ETNK1: variants seen among roughly 807,000 people sequenced by gnomAD.
ETNK1 encodes ethanolamine kinase 1.
In ETNK1, 8 loss-of-function variants were observed where a neutral mutation model predicts 45.1. That is an observed-to-expected ratio of 0.18 (90% CI 0.10 to 0.32). ETNK1 has a LOEUF of 0.32. Among genes scored for constraint, ETNK1 ranks in the 10% least tolerant of loss-of-function variants. The pLI is 1.00. For synonymous variants in ETNK1, 152 were observed against 151.9 expected (o/e 1.00, Z -0.01); for missense variants, 302 against 430.6 (o/e 0.70, Z 2.64).
intron 1 of ETNK1, among the ~76,000 whole-genome samples, chr12:22,628,123 A>G (rs988441358): frequency 7.9e-5 from 12 of 152,122 alleles, no homozygotes; most frequent in Non-Finnish European, 1.8e-4. Context: ...TTTGTATTTA[A>G]TAATCCTTTA....
chr12:22,656,627 GCA>G, intron 2 of ETNK1: 3 of 985,356 alleles, frequency 3.0e-6, no homozygotes, highest in Non-Finnish European at 3.6e-6. Flanking sequence ...TCTGAATCCA[GCA>G]TGGAGCAGAC....
At position 22,663,683 on chromosome 12, in the gene ETNK1, T is replaced by C. The variant is rs192043315; in HGVS notation, c.700+2478T>C. Reference sequence around the variant, plus strand: ...TTTTTGTGCCAAGTTACTTGAATTATACTTTTGTGTCTAATTTTCCTTTCA... The same window carrying C: ...TTTTTGTGCCAAGTTACTTGAATTACACTTTTGTGTCTAATTTTCCTTTCA... On this transcript the variant is annotated intron_variant, in intron 4 of 7. Coordinates refer to ENST00000266517, the MANE Select transcript of ETNK1 (RefSeq NM_018638.5). Among the ~76,000 whole-genome samples, 306 of 152,310 alleles carry C rather than the reference T, an allele frequency of 2.0e-3. 2 individuals carry two copies. The highest frequency in any genetic ancestry group is 7.0e-3 in the African/African-American group (293 of 41,596).
At chr12:22,659,857 G>A (rs1953981655) in intron 3 of ETNK1, among the ~76,000 whole-genome samples, 1 of 152,034 alleles carries the variant, frequency 6.6e-6, no homozygotes, top group African/African-American at 2.4e-5. Context: ...AGCTGGAGGT[G>A]TGCTGTGGTA....
chr12:22,654,990 C>T (rs1034419484), intron 2 of ETNK1, among the ~76,000 whole-genome samples: 4 of 152,138 alleles, frequency 2.6e-5, no homozygotes, highest in South Asian at 4.1e-4. Flanking sequence ...GTTTTTGAAA[C>T]GTAGTTTCAC....
chr12:22,651,831 G>C (rs1442312347), intron 2 of ETNK1, among the ~76,000 whole-genome samples: 1 of 151,604 alleles, frequency 6.6e-6, no homozygotes, highest in Non-Finnish European at 1.5e-5. Context: ...GACTATAGGT[G>C]CCCACCACCT....
intron 6 of ETNK1, among the ~76,000 whole-genome samples, chr12:22,683,246 A>C (rs574918919): frequency 6.6e-6 from 1 of 152,054 alleles, no homozygotes; most frequent in East Asian, 1.9e-4. Context: ...TCAGGAAAGA[A>C]ATTATATTCC....
At chr12:22,674,298 A>G (rs1489434417) in intron 6 of ETNK1, among the ~76,000 whole-genome samples, 7 of 152,240 alleles carry the variant, frequency 4.6e-5, no homozygotes, top group Non-Finnish European at 8.8e-5. Context: ...AAATGGAATA[A>G]TAAGCCAAAG....
chr12:22,634,064 G>T (rs889866239), intron 1 of ETNK1, among the ~76,000 whole-genome samples: 2 of 151,912 alleles, frequency 1.3e-5, no homozygotes, highest in African/African-American at 4.8e-5. Flanking sequence ...TTATTGTTAG[G>T]TATGATATAT....
At chr12:22,636,893 A>G (rs1953662693) in intron 1 of ETNK1, among the ~76,000 whole-genome samples, 1 of 152,216 alleles carries the variant, frequency 6.6e-6, no homozygotes, top group Non-Finnish European at 1.5e-5. Context: ...GTGTAAAATA[A>G]TATGAACAAA....
chr12:22,628,252 G>A (rs1231554045), intron 1 of ETNK1, among the ~76,000 whole-genome samples: 1 of 152,204 alleles, frequency 6.6e-6, no homozygotes, highest in Non-Finnish European at 1.5e-5. Context: ...ACAAATGGCA[G>A]ATCTGAGATG....
intron 1 of ETNK1, among the ~76,000 whole-genome samples, chr12:22,637,210 G>C (rs908314488): frequency 6.6e-6 from 1 of 152,170 alleles, no homozygotes; most frequent in African/African-American, 2.4e-5. Flanking sequence ...ACATTAAGCC[G>C]GGGCAGTCAT....
rs910356531 is a variant in ETNK1, at chr12:22,671,382, G to C, written c.784+27G>C. ...TATAACTAATGGAGTAACTTATTTA[G>C]CTTTGAAACGATATTTTCAGAATAT... On this transcript the variant is annotated intron_variant, in intron 5 of 7. Transcript: ENST00000266517. The C allele has an allele frequency of 3.1e-6, 4 of 1,303,336 alleles. No homozygotes were observed. In the African/African-American group the frequency reaches 5.9e-5, roughly 19 times the overall value. The allele number at this position is 1,303,336 out of a possible 1,614,324, so 80.7% of individuals were successfully genotyped here.
chr12:22,686,905 G>A lies in ETNK1; in HGVS notation c.*1951G>A, dbSNP rs1395531369. 8.9e-6 allele frequency: 1 copy of A among 112,050 alleles called. No individual in the cohort carries two copies. Among genetic ancestry groups the A allele is most frequent in the African/African-American group, 3.5e-5 (1 of 28,618 alleles). The allele number at this position is 112,050 out of a possible 1,614,324, so 6.9% of individuals were successfully genotyped here. On this transcript the variant is annotated 3_prime_UTR_variant, in exon 8 of 8. Transcript: ENST00000266517. Reference sequence around the variant, plus strand: ...GCTTTCTGCCTTCTAAAGTGCAACAGTATATATCTTGTAGAACTGTGGGAG... The same window carrying A: ...GCTTTCTGCCTTCTAAAGTGCAACAATATATATCTTGTAGAACTGTGGGAG...
chr12:22,655,571 A>G (rs2137550105), intron 2 of ETNK1, among the ~76,000 whole-genome samples: 1 of 152,300 alleles, frequency 6.6e-6, no homozygotes, highest in African/African-American at 2.4e-5. Flanking sequence ...TCCTGACCTC[A>G]GGTGATCTAC....
intron 4 of ETNK1, among the ~76,000 whole-genome samples, chr12:22,665,975 A>G (rs1444831690): frequency 6.6e-6 from 1 of 152,184 alleles, no homozygotes; most frequent in Non-Finnish European, 1.5e-5. Context: ...ATATATGAGC[A>G]TATGTATACA....
intron 4 of ETNK1, among the ~76,000 whole-genome samples, chr12:22,670,652 A>G (rs1384023200): frequency 2.0e-5 from 3 of 152,146 alleles, no homozygotes; most frequent in Non-Finnish European, 2.9e-5. Context: ...AGATAAAACC[A>G]CCACCTTATT....
At position 22,655,486 on chromosome 12, in the gene ETNK1, A is replaced by G. The variant is rs549197994; in HGVS notation, c.417-3528A>G. On this transcript the variant is annotated intron_variant, in intron 2 of 7. Transcript: ENST00000266517. The stretch of plus-strand genomic sequence containing the variant: ...TGAGCAGCTGGGATTACAGGCACGT[A>G]TCACCACACCAGGCTACTTTTTGTA... 1.2e-3 allele frequency among the ~76,000 whole-genome samples: 183 copies of G among 151,686 alleles called. 1 individual carries two copies. The highest frequency in any genetic ancestry group is 5.9e-4 in the Non-Finnish European group (40 of 67,910).
At chr12:22,678,700 G>A (rs944594075) in intron 6 of ETNK1, among the ~76,000 whole-genome samples, 2 of 152,148 alleles carry the variant, frequency 1.3e-5, no homozygotes, top group Admixed American at 6.6e-5. Context: ...AGCTTTTTAC[G>A]ATTAGTTTCT....
intron 6 of ETNK1, chr12:22,682,159 A>G (rs1592138649): frequency 4.8e-6 from 1 of 207,000 alleles, no homozygotes; most frequent in African/African-American, 2.4e-5. Flanking sequence ...TCATTATAAG[A>G]TAGCTAAAGA....
Sources: allele counts gnomAD v4.1 joint callset (sites outside exome capture counted in the v4.1 genomes callset), GRCh38; gene constraint gnomAD v4.1.1; transcripts MANE v1.5; gene names NCBI Gene and HGNC (gene_info 2026-07-23, HGNC 2026-07-21).